Variants in ICE1 observed in about 807,000 individuals in gnomAD.
ICE1 encodes little elongation complex subunit 1.
ICE1 carries 64 observed loss-of-function variants against 192.7 expected under a neutral mutation model. That is an observed-to-expected ratio of 0.33 (90% CI 0.27 to 0.41). The LOEUF is 0.41. Ranked by LOEUF, ICE1 falls within the 10% of genes least tolerant of loss-of-function variation. The pLI is 1.00. For missense variants in ICE1, 2,708 were observed against 2,696.0 expected, an observed-to-expected ratio of 1.00 and a Z score of -0.10; for synonymous variants, 1,010 against 984.5, an observed-to-expected ratio of 1.03 and a Z score of -0.49.
In ICE1 at chr5:5,489,431, A is replaced by T; in HGVS notation, c.*101A>T. On this transcript the variant is annotated 3_prime_UTR_variant, in exon 19 of 19. Transcript: ENST00000296564. ...CAAAGGGAGGTTTCAAAACAAAAAG[A>T]CATAAAATAGATAAAACAGACCAGA... The T allele has an allele frequency of 9.3e-7, 1 of 1,073,458 alleles. No homozygotes were observed. Among genetic ancestry groups the T allele is most frequent in the East Asian group, 2.6e-5 (1 of 38,130 alleles). The allele number at this position is 1,073,458 out of a possible 1,614,324, so 66.5% of individuals were successfully genotyped here. A position where few individuals can be genotyped will look rare whatever the true frequency, so the allele number is the denominator to read the frequency against.
chr5:5,455,730 CAA>C (rs1194265130), intron 11 of ICE1, among the ~76,000 whole-genome samples: 2 of 152,118 alleles, frequency 1.3e-5, no homozygotes, highest in Non-Finnish European at 2.9e-5. Flanking sequence ...AGGATGGTTA[CAA>C]AAATAGTTCA....
rs1340443624 is a variant in ICE1 at position 5,490,022 on chromosome 5, CAG to C, written c.*695_*696del. ...TGAGCAATTCACAGATGAGCGCAGG[CAG>C]AGCTCTGTGTGCCGTGTACATATGG... On this transcript the variant is annotated 3_prime_UTR_variant, in exon 19 of 19. Transcript: ENST00000296564. 6.6e-6 allele frequency: 1 copy of C among 152,126 alleles called. No individual in the cohort carries two copies. Among genetic ancestry groups the C allele is most frequent in the Non-Finnish European group, 1.5e-5 (1 of 68,044 alleles). The allele number at this position is 152,126 out of a possible 1,614,324, so 9.4% of individuals were successfully genotyped here. A position where few individuals can be genotyped will look rare whatever the true frequency, so the allele number is the denominator to read the frequency against.
intron 11 of ICE1, 24 bp from the exon 12 acceptor site, chr5:5,457,308 A>C (rs1738614625): frequency 6.4e-7 from 1 of 1,561,588 alleles, no homozygotes; most frequent in Admixed American, 2.0e-5. Flanking sequence ...AATACCTGAT[A>C]CCTACTTTTG....
At chr5:5,466,097 C>T (rs1347448407) in intron 13 of ICE1, among the ~76,000 whole-genome samples, 1 of 152,190 alleles carries the variant, frequency 6.6e-6, no homozygotes. Flanking sequence ...GCATCTGCAG[C>T]ATTTACCAGC....
At position 5,422,985 on chromosome 5, in the gene ICE1, G is replaced by C. The variant is rs1356000550; in HGVS notation, c.70G>C (p.Ala24Pro). 3 of 1,448,702 alleles carry C rather than the reference G, an allele frequency of 2.1e-6. No homozygotes were observed. The highest frequency in any genetic ancestry group is 1.8e-6 in the Non-Finnish European group (2 of 1,102,086). 89.7% of individuals were successfully genotyped at this position (1,448,702 alleles called of 1,614,324 possible). Residue 24 changes from alanine (A) to proline (P), a missense_variant, in exon 1 of 19, where the codon GCC becomes CCC. By Grantham distance (27) the Ala-to-Pro change is conservative. Around this residue, in one of 2 missense-constraint regions of ICE1, gnomAD observed 2,366 missense variants for 2,276.6 expected, o/e 1.04. Transcript: ENST00000296564. ...AADLSRCQGCASLQQNLNEYV... is the reference protein window; with the variant it reads ...AADLSRCQGCPSLQQNLNEYV... ...GGACCTGTCGCGATGTCAGGGCTGC[G>C]CCTCTCTGCAGCAGGTGCAGCACCT...
At chr5:5,425,193 T>C (rs1737484916) in intron 1 of ICE1, among the ~76,000 whole-genome samples, 1 of 152,194 alleles carries the variant, frequency 6.6e-6, no homozygotes, top group South Asian at 2.1e-4. Context: ...TCCACCGTGG[T>C]GTGAACTACT....
At position 5,462,130 on chromosome 5, in the gene ICE1, G is replaced by A; in HGVS notation, c.2796G>A (p.Arg932=). ...TTTCACCAGAAGTTTCTGCCTCTAG[G>A]AGAAAATTAGATTTTAATTCTCCAG... The part of the protein sequence containing the change: ...KSISPEVSAS[R]RKLDFNSPGG... The change falls in exon 13 of 19, where the codon AGG becomes AGA. Residue 932 remains arginine (R), a synonymous_variant. Transcript: ENST00000296564. The A allele has an allele frequency of 6.2e-7, 1 of 1,613,916 alleles. No homozygotes were observed. Among genetic ancestry groups the A allele is most frequent in the Non-Finnish European group, 8.5e-7 (1 of 1,179,830 alleles).
At chr5:5,442,692 C>G (rs895314165) in intron 5 of ICE1, among the ~76,000 whole-genome samples, 3 of 152,172 alleles carry the variant, frequency 2.0e-5, no homozygotes, top group Non-Finnish European at 2.9e-5. Flanking sequence ...TTATCATACC[C>G]TGCTAGAACT....
chr5:5,442,291 G>A (rs1738074151), intron 5 of ICE1, among the ~76,000 whole-genome samples: 1 of 152,224 alleles, frequency 6.6e-6, no homozygotes, highest in South Asian at 2.1e-4. Context: ...TCACGGTAGT[G>A]TTTGTGCCTC....
At chr5:5,434,706 GA>G (rs1401886171) in intron 1 of ICE1, among the ~76,000 whole-genome samples, 2 of 152,114 alleles carry the variant, frequency 1.3e-5, no homozygotes, top group Non-Finnish European at 2.9e-5. Context: ...AGGAAAAATA[GA>G]AAAAATTATC....
chr5:5,437,923 A>G (rs1737919393), intron 3 of ICE1: 1 of 152,264 alleles, frequency 6.6e-6, no homozygotes, highest in Non-Finnish European at 1.5e-5. Flanking sequence ...GCCTGCTTCA[A>G]TATGATTTAT....
intron 14 of ICE1, 102 bp downstream of exon 14, chr5:5,466,604 AAAT>A: frequency 1.0e-6 from 1 of 999,432 alleles, no homozygotes; most frequent in Non-Finnish European, 1.4e-6. Flanking sequence ...GTGTCTTTTA[AAAT>A]AATGTTATGT....
Position 5,460,714 on chromosome 5 carries a change from T to C in ICE1, c.1380T>C (p.Gly460=). 6.2e-7 allele frequency: 1 copy of C among 1,613,950 alleles called. No homozygotes were observed. The highest frequency in any genetic ancestry group is 8.5e-7 in the Non-Finnish European group (1 of 1,179,900). The change falls in exon 13 of 19, where the codon GGT becomes GGC. Residue 460 remains glycine, a synonymous_variant. Transcript: ENST00000296564. ...CTTCTGCCACACACTCCTTAGTTGG[T>C]GAAAAACACTGGACCACAGCATCTC... ...RESSATHSLV[G]EKHWTTASRS... is the part of the protein sequence containing the mutation.
chr5:5,438,268 C>T (rs918493637), intron 3 of ICE1, among the ~76,000 whole-genome samples: 1 of 152,224 alleles, frequency 6.6e-6, no homozygotes, highest in Non-Finnish European at 1.5e-5. Context: ...ATCTGATCAC[C>T]TCCCACAAGG....
At chr5:5,442,954 ATTG>A (rs1738092105) in intron 5 of ICE1, among the ~76,000 whole-genome samples, 1 of 152,124 alleles carries the variant, frequency 6.6e-6, no homozygotes, top group South Asian at 2.1e-4. Flanking sequence ...AAATTAGTAT[ATTG>A]TTTTTAAGTT....
rs550098955 is a variant in ICE1 at position 5,447,095 on chromosome 5, T to C, written c.425-332T>C. On this transcript the variant is annotated intron_variant, in intron 7 of 18. Transcript: ENST00000296564. ...CACATTTCTAAAATTTCTAGGACTT[T>C]AAGGTTGCCAGTGATTGAAATGGGA... 3.9e-5 allele frequency among the ~76,000 whole-genome samples: 6 copies of C among 152,314 alleles called. No homozygotes were observed. The South Asian group carries it at 1.2e-3, about 32-fold the overall frequency.
intron 1 of ICE1, among the ~76,000 whole-genome samples, chr5:5,424,868 G>A (rs1389145404): frequency 1.3e-5 from 2 of 152,210 alleles, no homozygotes; most frequent in African/African-American, 4.8e-5. Flanking sequence ...CTGGAGCGGA[G>A]TGAATGCTGG....
At position 5,461,952 on chromosome 5, in the gene ICE1, C is replaced by G; in HGVS notation, c.2618C>G (p.Ala873Gly). 6.2e-7 allele frequency: 1 copy of G among 1,613,852 alleles called. No individual in the cohort carries two copies. Among genetic ancestry groups the G allele is most frequent in the South Asian group, 1.1e-5 (1 of 91,082 alleles). The stretch of plus-strand genomic sequence containing the variant: ...ACAAGACCTGAAAAGGTTCAGAGTG[C>G]CAAATTGGAACACTTGAGGCCACAT... ...KQTRPEKVQSAKLEHLRPHRV... is the reference protein window; with the variant it reads ...KQTRPEKVQSGKLEHLRPHRV... The change falls in exon 13 of 19, where the codon GCC (alanine) becomes GGC (glycine). Residue 873 changes from alanine (A) to glycine (G), a missense_variant. Ala to Gly is a moderately conservative substitution (Grantham distance 60). This residue lies in a region of ICE1 where 2,366 missense variants were observed against 2,276.6 expected (regional missense o/e 1.04). Transcript: ENST00000296564.
intron 15 of ICE1, 26 bp downstream of exon 15, chr5:5,469,014 G>T: frequency 7.0e-7 from 1 of 1,435,640 alleles, no homozygotes; most frequent in Non-Finnish European, 9.2e-7. Context: ...GTTTCTTACA[G>T]TATCTTACTT....
Sources: gnomAD v4.1 joint callset for allele counts (sites outside exome capture counted in the v4.1 genomes callset) on GRCh38, gnomAD v4.1.1 for gene constraint, gnomAD v4.1.1 regional missense constraint, MANE v1.5 for transcripts, NCBI Gene and HGNC (gene_info 2026-07-23, HGNC 2026-07-21) for gene names.